Variants in VPS41 observed in about 807,000 individuals in gnomAD.
VPS41 encodes vacuolar protein sorting-associated protein 41 homolog.
A neutral mutation model predicts 130.9 loss-of-function variants in VPS41; 85 were observed. That is an observed-to-expected ratio of 0.65 (90% CI 0.55 to 0.78). The LOEUF is 0.78. VPS41 is among the 30% of genes least tolerant of loss of function. VPS41 has a pLI of 0.00. For synonymous variants in VPS41, 335 were observed against 332.9 expected (o/e 1.01, Z -0.07); for missense variants, 874 against 1,018.7 (o/e 0.86, Z 1.93).
chr7:38,908,125 A>AT (rs2116472262), intron 1 of VPS41, among the ~76,000 whole-genome samples: 1 of 152,338 alleles, frequency 6.6e-6, no homozygotes, highest in South Asian at 2.1e-4. Context: ...AGTAAAAATT[A>AT]TTGAACTAGG....
At chr7:38,891,778 A>G (rs1786873233) in intron 2 of VPS41, among the ~76,000 whole-genome samples, 1 of 152,020 alleles carries the variant, frequency 6.6e-6, no homozygotes, top group Non-Finnish European at 1.5e-5. Flanking sequence ...AATCCATTAT[A>G]TGGGTTATAT....
intron 4 of VPS41, among the ~76,000 whole-genome samples, chr7:38,850,288 AG>A (rs1785823951): frequency 1.3e-5 from 2 of 152,234 alleles, no homozygotes; most frequent in South Asian, 4.1e-4. Flanking sequence ...GTGTTACTAA[AG>A]AAATCAAGGG....
intron 17 of VPS41, among the ~76,000 whole-genome samples, chr7:38,760,218 G>T (rs1783883427): frequency 6.6e-6 from 1 of 151,970 alleles, no homozygotes; most frequent in Non-Finnish European, 1.5e-5. Flanking sequence ...ACAATGTTTA[G>T]AACAAAAACA....
intron 2 of VPS41, among the ~76,000 whole-genome samples, chr7:38,897,639 C>G (rs1039841775): frequency 1.0e-5 from 1 of 95,592 alleles, no homozygotes; most frequent in East Asian, 2.9e-4. Context: ...AGCGAGACTC[C>G]GTCTCAAAAA....
chr7:38,734,387 A>G (rs1365594043), intron 25 of VPS41, among the ~76,000 whole-genome samples: 2 of 151,922 alleles, frequency 1.3e-5, no homozygotes, highest in Non-Finnish European at 2.9e-5. Context: ...CGTGACCTTT[A>G]CTCTTCCCTT....
At chr7:38,753,276 A>G (rs1783717263) in intron 21 of VPS41, among the ~76,000 whole-genome samples, 1 of 152,122 alleles carries the variant, frequency 6.6e-6, no homozygotes, top group South Asian at 2.1e-4. Flanking sequence ...AAATGCGCTG[A>G]TGTTTGTTAT....
Position 38,808,779 on chromosome 7 carries a change from A to G in VPS41, c.450+9038T>C, listed in dbSNP as rs566801878. On this transcript the variant is annotated intron_variant, in intron 7 of 28. Transcript: ENST00000310301. ...TAATGTCAAAACCCTTCTAGCCACC[A>G]AAACCCCAGCTCCAATCTGACCCAA... is the stretch of plus-strand genomic sequence containing the variant. Among the ~76,000 whole-genome samples, 8 of 152,324 alleles carry G rather than the reference A, an allele frequency of 5.3e-5. 1 individual carries two copies. In the South Asian group the frequency reaches 1.7e-3, roughly 32 times the overall value.
intron 25 of VPS41, among the ~76,000 whole-genome samples, chr7:38,729,758 G>C (rs2115558949): frequency 6.6e-6 from 1 of 152,214 alleles, no homozygotes; most frequent in South Asian, 2.1e-4. Flanking sequence ...ATCCTCCCCT[G>C]CTTTTAGGTG....
rs1233486637 is a variant in VPS41, at chr7:38,723,073, T to C, written c.*3173A>G. On this transcript the variant is annotated 3_prime_UTR_variant, in exon 29 of 29. Transcript: ENST00000310301. ...CATAAGGAAAAGAAAATATATTTAC[T>C]ACTCATTAAGTAGAAGTGGATCATC... 6.6e-6 allele frequency: 1 copy of C among 152,232 alleles called. No individual in the cohort carries two copies. Among genetic ancestry groups the C allele is most frequent in the Non-Finnish European group, 1.5e-5 (1 of 68,048 alleles). The allele number at this position is 152,232 out of a possible 1,614,324, so 9.4% of individuals were successfully genotyped here. A position where few individuals can be genotyped will look rare whatever the true frequency, so the allele number is the denominator to read the frequency against.
In VPS41 at chr7:38,860,374, T is replaced by C. The variant is rs181183507; in HGVS notation, c.246+2171A>G. 6.6e-4 allele frequency among the ~76,000 whole-genome samples: 101 copies of C among 152,296 alleles called. 1 individual carries two copies. Among genetic ancestry groups the C allele is most frequent in the Admixed American group, 1.5e-3 (23 of 15,294 alleles). ...AAATGATAGCTTAGTGATTTTTACA[T>C]ATGTAGATCATGAGAAAACCACCAA... On this transcript the variant is annotated intron_variant, in intron 4 of 28. Transcript: ENST00000310301.
intron 7 of VPS41, among the ~76,000 whole-genome samples, chr7:38,809,687 T>C (rs1784906151): frequency 6.6e-6 from 1 of 152,120 alleles, no homozygotes; most frequent in African/African-American, 2.4e-5. Context: ...ACTGACATTT[T>C]CCAGCTTACA....
At position 38,779,876 on chromosome 7, in the gene VPS41, A is replaced by G. The variant is rs539747503; in HGVS notation, c.785-3100T>C. Among the ~76,000 whole-genome samples the G allele has an allele frequency of 2.3e-4, 35 of 152,358 alleles. No homozygotes were observed. The South Asian group carries it at 2.9e-3, about 13-fold the overall frequency. On this transcript the variant is annotated intron_variant, in intron 10 of 28. Coordinates refer to ENST00000310301, the MANE Select transcript of VPS41 (RefSeq NM_014396.4). ...GGACTGACTTTGTAAAATATATTCA[A>G]GTAATTACAGACTTTATATTTCAAA...
At chr7:38,763,601 G>A in intron 16 of VPS41, 54 bp from the exon 17 acceptor site, 1 of 1,105,298 alleles carries the variant, frequency 9.0e-7, no homozygotes, top group Non-Finnish European at 1.3e-6. Flanking sequence ...AAACAAAACT[G>A]CATTCCAATT....
intron 10 of VPS41, among the ~76,000 whole-genome samples, chr7:38,787,753 C>A (rs1784465874): frequency 1.3e-5 from 2 of 152,114 alleles, no homozygotes; most frequent in Admixed American, 1.3e-4. Context: ...TAATCCAGAC[C>A]TCCTAATATT....
At chr7:38,793,476 G>C (rs1784570169) in intron 9 of VPS41, among the ~76,000 whole-genome samples, 1 of 152,104 alleles carries the variant, frequency 6.6e-6, no homozygotes, top group Non-Finnish European at 1.5e-5. Context: ...TGAAGAAAAG[G>C]AACCTCCAAT....
intron 2 of VPS41, among the ~76,000 whole-genome samples, chr7:38,881,211 G>C (rs1242085427): frequency 6.6e-6 from 1 of 152,150 alleles, no homozygotes; most frequent in African/African-American, 2.4e-5. Flanking sequence ...GGAAGCTGGG[G>C]GGAGAATCCC....
Position 38,778,862 on chromosome 7 carries a change from A to C in VPS41, c.785-2086T>G, listed in dbSNP as rs374631798. 3.9e-5 allele frequency among the ~76,000 whole-genome samples: 6 copies of C among 152,292 alleles called. No individual in the cohort carries two copies. In the East Asian group the frequency reaches 9.7e-4, roughly 25 times the overall value. On this transcript the variant is annotated intron_variant, in intron 10 of 28. Transcript: ENST00000310301. Reference sequence around the variant, plus strand: ...GTGTTTCTCCTAAAGGTAACCAAATATACATCAAAGGCCTTGGTTCTTGAG... The same window carrying C: ...GTGTTTCTCCTAAAGGTAACCAAATCTACATCAAAGGCCTTGGTTCTTGAG...
chr7:38,833,278 T>C (rs746808217), intron 4 of VPS41, among the ~76,000 whole-genome samples: 3 of 152,192 alleles, frequency 2.0e-5, no homozygotes. Flanking sequence ...TAGAAATCTA[T>C]TCTCAGCAAG....
intron 5 of VPS41, among the ~76,000 whole-genome samples, chr7:38,828,607 C>T (rs1785326161): frequency 6.6e-6 from 1 of 152,118 alleles, no homozygotes; most frequent in African/African-American, 2.4e-5. Context: ...TCAATTTTCA[C>T]AATACTGACT....
Sources: allele counts gnomAD v4.1 joint callset (sites outside exome capture counted in the v4.1 genomes callset), GRCh38; gene constraint gnomAD v4.1.1; transcripts MANE v1.5; gene names NCBI Gene and HGNC (gene_info 2026-07-23, HGNC 2026-07-21).